The following IPCEF1 variants were observed in gnomAD, a reference collection of about 807,000 sequenced individuals.
The protein encoded by IPCEF1 is interactor protein for cytohesin exchange factors 1.
A neutral mutation model predicts 50.9 loss-of-function variants in IPCEF1; 31 were observed. That is an observed-to-expected ratio of 0.61 (90% CI 0.46 to 0.82). IPCEF1 has a LOEUF of 0.82. Among genes scored for constraint, IPCEF1 ranks in the 40% least tolerant of loss-of-function variants. IPCEF1 has a pLI of 0.00. For synonymous variants in IPCEF1, 181 were observed against 192.0 expected (o/e 0.94, Z 0.47); for missense variants, 458 against 514.0 (o/e 0.89, Z 1.05).
chr6:154,284,277 C>T (rs1782299569), intron 2 of IPCEF1, among the ~76,000 whole-genome samples: 1 of 152,266 alleles, frequency 6.6e-6, no homozygotes, highest in East Asian at 1.9e-4. Flanking sequence ...ACTCAATTAC[C>T]TGGTAGAACA....
intron 2 of IPCEF1, among the ~76,000 whole-genome samples, chr6:154,276,157 C>T (rs9397703): frequency 1.3e-5 from 2 of 150,540 alleles, no homozygotes; most frequent in African/African-American, 4.9e-5. Context: ...GCACTCCAGC[C>T]TGGGCAACAG....
chr6:154,305,050 G>T lies in IPCEF1; in HGVS notation c.-61-15294C>A, dbSNP rs542198605. ...AATCGCTTGAGCCCAGGAGGCGGAGGTTGCAGTGAGCTGAGATTGTGCCAC... is the reference window on the plus strand; with the variant it reads ...AATCGCTTGAGCCCAGGAGGCGGAGTTTGCAGTGAGCTGAGATTGTGCCAC... On this transcript the variant is annotated intron_variant, in intron 1 of 11. Coordinates refer to ENST00000367220, the MANE Select transcript of IPCEF1 (RefSeq NM_001130700.2). Among the ~76,000 whole-genome samples, 99 of 151,896 alleles carry T rather than the reference G, an allele frequency of 6.5e-4. 2 individuals are homozygous for T. The highest frequency in any genetic ancestry group is 5.8e-3 in the Admixed American group (89 of 15,254).
chr6:154,267,107 C>T lies in IPCEF1; in HGVS notation c.-17-1143G>A, dbSNP rs143406334. On this transcript the variant is annotated intron_variant, in intron 2 of 11. Transcript: ENST00000367220. ...AAAGAGATAAACCACAATAAAAGGA[C>T]TGATAAATTTACTTAATTTTAACTT... Among the ~76,000 whole-genome samples the T allele has an allele frequency of 4.6e-3, 682 of 149,594 alleles. 9 individuals carry two copies. The highest frequency in any genetic ancestry group is 0.015 in the African/African-American group (615 of 40,600).
At chr6:154,192,311 G>A (rs1469066700) in intron 10 of IPCEF1, among the ~76,000 whole-genome samples, 1 of 85,922 alleles carries the variant, frequency 1.2e-5, no homozygotes, top group African/African-American at 4.5e-5. Flanking sequence ...TGGTGGCCAC[G>A]TGGTTACTGT....
intron 5 of IPCEF1, among the ~76,000 whole-genome samples, chr6:154,223,984 T>C (rs936366016): frequency 3.3e-5 from 5 of 152,210 alleles, no homozygotes; most frequent in African/African-American, 1.2e-4. Context: ...ATAATCACTG[T>C]CCCACCTCTC....
chr6:154,172,347 T>C lies in IPCEF1; in HGVS notation c.911-4234A>G, dbSNP rs182179953. On this transcript the variant is annotated intron_variant, in intron 10 of 11. Coordinates refer to ENST00000367220, the MANE Select transcript of IPCEF1 (RefSeq NM_001130700.2). ...AAGCAGGGCTGGGTGTCACCTCACC[T>C]GGGAAACACAAGGGGTCGGGGGATT... is the stretch of plus-strand genomic sequence containing the variant. Among the ~76,000 whole-genome samples the C allele has an allele frequency of 4.5e-3, 690 of 152,292 alleles. 8 individuals are homozygous for C. The highest frequency in any genetic ancestry group is 0.016 in the African/African-American group (664 of 41,552).
At chr6:154,295,238 A>T (rs1782616837) in intron 1 of IPCEF1, among the ~76,000 whole-genome samples, 1 of 152,168 alleles carries the variant, frequency 6.6e-6, no homozygotes, top group Admixed American at 6.5e-5. Context: ...TTAAGCTCTG[A>T]TTATTTAATT....
At chr6:154,242,200 A>C (rs1480285317) in intron 5 of IPCEF1, among the ~76,000 whole-genome samples, 1 of 152,168 alleles carries the variant, frequency 6.6e-6, no homozygotes, top group African/African-American at 2.4e-5. Context: ...TACTTCTCAA[A>C]GATCCTAATA....
intron 1 of IPCEF1, among the ~76,000 whole-genome samples, chr6:154,320,783 G>T (rs1003456155): frequency 1.3e-5 from 2 of 152,078 alleles, no homozygotes; most frequent in Non-Finnish European, 2.9e-5. Flanking sequence ...AATGTGGGAG[G>T]ATCGCTTGAG....
chr6:154,349,698 T>C (rs999906496), intron 1 of IPCEF1, among the ~76,000 whole-genome samples: 8 of 152,206 alleles, frequency 5.3e-5, no homozygotes, highest in Non-Finnish European at 4.4e-5. Flanking sequence ...CTCTGAAGAA[T>C]GCAGTTTCCT....
intron 5 of IPCEF1, among the ~76,000 whole-genome samples, chr6:154,236,768 T>C (rs1282295315): frequency 6.6e-6 from 1 of 152,054 alleles, no homozygotes; most frequent in Admixed American, 6.6e-5. Context: ...AGATGGTGGG[T>C]GGTTTGCCTA....
In IPCEF1 at chr6:154,211,079, C is replaced by T. The variant is rs151177567; in HGVS notation, c.537+1691G>A. 5.9e-5 allele frequency among the ~76,000 whole-genome samples: 9 copies of T among 152,194 alleles called. No individual in the cohort carries two copies. The East Asian group carries it at 1.7e-3, about 29-fold the overall frequency. On this transcript the variant is annotated intron_variant, in intron 9 of 11. Transcript: ENST00000367220. ...GCTACTGTAACCTGTCAGAACTTGCCATCATTTGGGTCTATAATGGACAGG... is the reference window on the plus strand; with the variant it reads ...GCTACTGTAACCTGTCAGAACTTGCTATCATTTGGGTCTATAATGGACAGG...
chr6:154,241,417 A>C (rs1289815131), intron 5 of IPCEF1, among the ~76,000 whole-genome samples: 4 of 152,150 alleles, frequency 2.6e-5, no homozygotes, highest in Admixed American at 1.3e-4. Context: ...ACAATGTACA[A>C]AACTAAAATA....
chr6:154,317,909 C>G (rs966815909), intron 1 of IPCEF1, among the ~76,000 whole-genome samples: 2 of 152,068 alleles, frequency 1.3e-5, no homozygotes, highest in Admixed American at 6.6e-5. Context: ...AGCTAGTTTG[C>G]TTATAATTCA....
intron 9 of IPCEF1, among the ~76,000 whole-genome samples, chr6:154,202,338 C>G (rs1399788987): frequency 6.6e-6 from 1 of 152,002 alleles, no homozygotes; most frequent in Non-Finnish European, 1.5e-5. Flanking sequence ...AGATCAAAGA[C>G]CTATAATTTC....
chr6:154,339,286 A>G (rs7764901), intron 1 of IPCEF1, among the ~76,000 whole-genome samples: 18,782 of 152,154 alleles, frequency 0.12, 1,349 homozygotes, highest in South Asian at 0.34. Context: ...AGAGAGGAGA[A>G]GAGCCTAATC....
At chr6:154,191,709 CAAA>C (rs992938608) in intron 10 of IPCEF1, among the ~76,000 whole-genome samples, 1 of 142,216 alleles carries the variant, frequency 7.0e-6, no homozygotes, top group African/African-American at 2.6e-5. Flanking sequence ...ACAACAACAA[CAAA>C]GAGTGAACCC....
rs993604136 is a variant in IPCEF1, at chr6:154,157,923, G to C, written c.*1905C>G. Reference sequence around the variant, plus strand: ...GAGGATCTGAATGTTCTCTCTGTCAGGTCACCACAGGTCAAACTCATCTTC... The same window carrying C: ...GAGGATCTGAATGTTCTCTCTGTCACGTCACCACAGGTCAAACTCATCTTC... On this transcript the variant is annotated 3_prime_UTR_variant, in exon 12 of 12. Transcript: ENST00000367220. 2 of 152,268 alleles carry C rather than the reference G, an allele frequency of 1.3e-5. No individual in the cohort carries two copies. The highest frequency in any genetic ancestry group is 4.8e-5 in the African/African-American group (2 of 41,448). The allele number at this position is 152,268 out of a possible 1,614,324, so 9.4% of individuals were successfully genotyped here.
intron 1 of IPCEF1, among the ~76,000 whole-genome samples, chr6:154,301,051 A>C (rs1782782228): frequency 6.6e-6 from 1 of 152,244 alleles, no homozygotes; most frequent in Non-Finnish European, 1.5e-5. Flanking sequence ...TTTTACAGTC[A>C]ATTATCTTGG....
Sources: gnomAD v4.1 joint callset for allele counts (sites outside exome capture counted in the v4.1 genomes callset) on GRCh38, gnomAD v4.1.1 for gene constraint, MANE v1.5 for transcripts, NCBI Gene and HGNC (gene_info 2026-07-23, HGNC 2026-07-21) for gene names.